The following RAD54L2 variants were observed in gnomAD, a reference collection of about 807,000 sequenced individuals.
RAD54L2 encodes the protein RAD54 like 2, also known as helicase ARIP4.
In RAD54L2, 27 loss-of-function variants were observed where a neutral mutation model predicts 138.4. That is an observed-to-expected ratio of 0.20 (90% CI 0.14 to 0.27). The LOEUF (loss-of-function observed/expected upper bound fraction) is 0.27. RAD54L2 is among the 10% of genes least tolerant of loss of function. The probability of loss-of-function intolerance (pLI) is 1.00; values close to 1 mark genes in which losing one functional copy is unlikely to be tolerated. For missense variants in RAD54L2, 1,396 were observed against 1,890.2 expected (o/e 0.74, Z 4.85); for synonymous variants, 644 against 723.2 (o/e 0.89, Z 1.76).
intron 3 of RAD54L2, among the ~76,000 whole-genome samples, chr3:51,606,188 C>G (rs2106745683): frequency 6.6e-6 from 1 of 152,204 alleles, no homozygotes; most frequent in South Asian, 2.1e-4. Context: ...GATTTTTATC[C>G]TAAGTGCAAA....
At chr3:51,655,216 T>C (rs1701567619) in intron 19 of RAD54L2, among the ~76,000 whole-genome samples, 1 of 152,096 alleles carries the variant, frequency 6.6e-6, no homozygotes, top group Admixed American at 6.5e-5. Flanking sequence ...GGTTTTTTTT[T>C]TTCCCCCTCC....
chr3:51,578,679 A>G (rs1458751726), intron 2 of RAD54L2, among the ~76,000 whole-genome samples: 3 of 152,128 alleles, frequency 2.0e-5, no homozygotes, highest in African/African-American at 2.4e-5. Context: ...AGCTGGGGCT[A>G]GTGCTTTTGG....
intron 22 of RAD54L2, 39 bp downstream of exon 22, chr3:51,660,157 A>G: frequency 4.6e-6 from 7 of 1,514,088 alleles, no homozygotes; most frequent in Non-Finnish European, 6.3e-6. Context: ...TTTTCAAACA[A>G]CATTTGTTTG....
intron 2 of RAD54L2, among the ~76,000 whole-genome samples, chr3:51,560,771 A>G (rs570173179): frequency 1.3e-5 from 2 of 152,146 alleles, no homozygotes; most frequent in South Asian, 2.1e-4. Context: ...TTTCTAGGCC[A>G]TGTTTTGAAT....
chr3:51,588,534 CA>C (rs71633079), intron 2 of RAD54L2, among the ~76,000 whole-genome samples: 2,451 of 49,490 alleles, frequency 0.05, 11 homozygotes, highest in African/African-American at 0.089. Context: ...AACTGCATCT[CA>C]AAAAAAAAAA....
chr3:51,571,081 G>A (rs751537364), intron 2 of RAD54L2, among the ~76,000 whole-genome samples: 2 of 152,044 alleles, frequency 1.3e-5, no homozygotes, highest in African/African-American at 2.4e-5. Flanking sequence ...TCAGCCTCCC[G>A]AAGTGTTGGG....
intron 2 of RAD54L2, among the ~76,000 whole-genome samples, chr3:51,553,494 CT>C (rs1698893835): frequency 6.6e-6 from 1 of 152,192 alleles, no homozygotes; most frequent in Admixed American, 6.5e-5. Flanking sequence ...GCAATAAAGC[CT>C]GTCACACACA....
At chr3:51,580,887 A>G (rs979289233) in intron 2 of RAD54L2, among the ~76,000 whole-genome samples, 1 of 152,218 alleles carries the variant, frequency 6.6e-6, no homozygotes, top group Non-Finnish European at 1.5e-5. Context: ...ATCCAAATGC[A>G]ATAATATTAG....
intron 3 of RAD54L2, among the ~76,000 whole-genome samples, chr3:51,606,249 GGTCAAATT>G (rs1441066294): frequency 6.6e-6 from 1 of 152,176 alleles, no homozygotes; most frequent in Non-Finnish European, 1.5e-5. Context: ...AGACTCACAT[GGTCAAATT>G]CAGAAAGCTC....
At chr3:51,602,390 A>G (rs1700098859) in intron 3 of RAD54L2, among the ~76,000 whole-genome samples, 1 of 152,234 alleles carries the variant, frequency 6.6e-6, no homozygotes, top group Non-Finnish European at 1.5e-5. Context: ...TTCAGTGAAT[A>G]AGGTTATTCA....
At chr3:51,581,738 A>G (rs1356599400) in intron 2 of RAD54L2, among the ~76,000 whole-genome samples, 1 of 152,152 alleles carries the variant, frequency 6.6e-6, no homozygotes, top group Non-Finnish European at 1.5e-5. Context: ...GGGAATTGGA[A>G]GGATGAGACA....
At chr3:51,555,268 A>G (rs1698935962) in intron 2 of RAD54L2, among the ~76,000 whole-genome samples, 1 of 152,152 alleles carries the variant, frequency 6.6e-6, no homozygotes, top group African/African-American at 2.4e-5. Context: ...TTCTGGACAG[A>G]ACAGATGTAT....
intron 2 of RAD54L2, among the ~76,000 whole-genome samples, chr3:51,559,068 T>C (rs1699040281): frequency 1.3e-5 from 2 of 151,288 alleles, no homozygotes; most frequent in Non-Finnish European, 1.5e-5. Context: ...AGAGAGGGGG[T>C]TTCACCATGT....
chr3:51,616,995 G>A (rs1053876329), intron 3 of RAD54L2, among the ~76,000 whole-genome samples: 5 of 152,142 alleles, frequency 3.3e-5, no homozygotes, highest in Non-Finnish European at 5.9e-5. Context: ...ATTCTTTTGT[G>A]TATGGCCTCT....
intron 2 of RAD54L2, among the ~76,000 whole-genome samples, chr3:51,565,287 T>A (rs1376932468): frequency 6.6e-6 from 1 of 152,072 alleles, no homozygotes; most frequent in African/African-American, 2.4e-5. Flanking sequence ...GGTTGGCGTG[T>A]GGGGGTGCTG....
intron 19 of RAD54L2, among the ~76,000 whole-genome samples, chr3:51,648,181 G>C (rs774292275): frequency 6.6e-6 from 1 of 152,214 alleles, no homozygotes; most frequent in Non-Finnish European, 1.5e-5. Context: ...CACCCACGGA[G>C]CCTTGCTCAC....
At chr3:51,581,730 G>A (rs985330638) in intron 2 of RAD54L2, among the ~76,000 whole-genome samples, 3 of 152,146 alleles carry the variant, frequency 2.0e-5, no homozygotes, top group Non-Finnish European at 4.4e-5. Context: ...GGTGATTGGG[G>A]AATTGGAAGG....
intron 19 of RAD54L2, among the ~76,000 whole-genome samples, chr3:51,647,743 G>A (rs935493679): frequency 6.6e-6 from 1 of 152,050 alleles, no homozygotes; most frequent in Admixed American, 6.6e-5. Flanking sequence ...GAACTCCTGG[G>A]CTCAAGTGAT....
chr3:51,577,802 C>T (rs1311277240), intron 2 of RAD54L2, among the ~76,000 whole-genome samples: 4 of 152,142 alleles, frequency 2.6e-5, no homozygotes, highest in African/African-American at 7.2e-5. Context: ...TGAGATGAAC[C>T]TGGTACCTCA....
Sources: gnomAD v4.1 joint callset for allele counts (sites outside exome capture counted in the v4.1 genomes callset) on GRCh38, gnomAD v4.1.1 for gene constraint, MANE v1.5 for transcripts, NCBI Gene and HGNC (gene_info 2026-07-23, HGNC 2026-07-21) for gene names.